The following SPAG5 variants were observed in gnomAD, a reference collection of about 807,000 sequenced individuals.
SPAG5 encodes sperm associated antigen 5, also known as sperm-associated antigen 5.
In SPAG5, 99 loss-of-function variants were observed where a neutral mutation model predicts 145.4. That is an observed-to-expected ratio of 0.68 (90% confidence interval 0.58 to 0.80). The LOEUF (loss-of-function observed/expected upper bound fraction) is 0.80, where lower values mean the gene tolerates loss of function less well. Ranked by LOEUF, SPAG5 falls within the 30% of genes least tolerant of loss-of-function variation. The pLI is 0.00. For missense variants in SPAG5, 1,192 were observed against 1,416.0 expected (o/e 0.84, Z 2.54); for synonymous variants, 477 against 525.4 (o/e 0.91, Z 1.26).
chr17:28,578,171 G>A, intron 22 of SPAG5, 47 bp downstream of exon 22: 1 of 1,608,696 alleles, frequency 6.2e-7, no homozygotes, highest in Non-Finnish European at 8.5e-7. Flanking sequence ...CGGGGCATTT[G>A]TTAACGATGG....
At chr17:28,591,291 G>C (rs1358620298) in intron 4 of SPAG5, among the ~76,000 whole-genome samples, 3 of 152,156 alleles carry the variant, frequency 2.0e-5, no homozygotes, top group African/African-American at 7.2e-5. Context: ...CAGATCCTCA[G>C]CTTTTTTGTT....
In SPAG5 at chr17:28,592,400, A is replaced by AC. The variant is rs774266401; in HGVS notation, c.843dup (p.Phe282ValfsTer6). ...TCAGACTCCTTAGGATGTGTGGGAAACCTCATTTCTCTTTCCTCCATAGCT... is the reference window on the plus strand; with the variant it reads ...TCAGACTCCTTAGGATGTGTGGGAAACCCTCATTTCTCTTTCCTCCATAGCT... On this transcript the variant is annotated frameshift_variant, in exon 3 of 24. Transcript: ENST00000321765. LOFTEE classifies it high-confidence loss of function. 2.1e-5 allele frequency: 34 copies of AC among 1,613,916 alleles called. No homozygotes were observed. The highest frequency in any genetic ancestry group is 2.8e-5 in the Non-Finnish European group (33 of 1,180,026).
chr17:28,585,739 G>C (rs1417901518), intron 7 of SPAG5, 86 bp from the exon 8 acceptor site: 8 of 1,607,352 alleles, frequency 5.0e-6, no homozygotes, highest in Non-Finnish European at 6.8e-6. Context: ...CAATAGATCA[G>C]TTCTTTACTG....
chr17:28,580,083 G>A lies in SPAG5; in HGVS notation c.2723C>T (p.Pro908Leu). 6.2e-7 allele frequency: 1 copy of A among 1,614,046 alleles called. No individual in the cohort carries two copies. Residue 908 changes from proline to leucine, a missense_variant, in exon 16 of 24, where the codon CCT (proline) becomes CTT (leucine). This residue lies in a region of SPAG5 where 709 missense variants were observed against 840.7 expected (regional missense o/e 0.84). Coordinates refer to ENST00000321765, the MANE Select transcript of SPAG5 (RefSeq NM_006461.4). ...QETLLLSTACPPTQEHPLPND... is the reference protein window; with the variant it reads ...QETLLLSTACLPTQEHPLPND... ...AGGCAGAGGGTGTTCCTGGGTGGGA[G>A]GACAGGCTGTACTCAGCAGAAGGGT... is the stretch of plus-strand genomic sequence containing the variant.
At chr17:28,579,295 G>A in intron 18 of SPAG5, 43 bp from the exon 19 acceptor site, 1 of 1,613,386 alleles carries the variant, frequency 6.2e-7, no homozygotes, top group Non-Finnish European at 8.5e-7. Flanking sequence ...TCCTCTCAGG[G>A]ATCAGTTGGA....
At chr17:28,578,917 G>A (rs565634805) in intron 19 of SPAG5, among the ~76,000 whole-genome samples, 165 bp from the exon 20 acceptor site, 26 of 152,214 alleles carry the variant, frequency 1.7e-4, no homozygotes, top group Non-Finnish European at 3.4e-4. Flanking sequence ...ACATTTCAGT[G>A]TTGGGAGAGC....
Position 28,584,359 on chromosome 17 carries a change from G to A in SPAG5, c.2283C>T (p.Thr761=). ...AMKDELLCQL[T]QSNEEQAAQW... is the part of the protein sequence containing the mutation. ...GAGCAGCCTGCTCCTCATTGCTCTGGGTAAGCTGGCAGAGTAACTCATCCT... is the reference window on the plus strand; with the variant it reads ...GAGCAGCCTGCTCCTCATTGCTCTGAGTAAGCTGGCAGAGTAACTCATCCT... The change falls in exon 12 of 24, where the codon ACC becomes ACT. Residue 761 remains threonine (T), a synonymous_variant. Coordinates refer to ENST00000321765, the MANE Select transcript of SPAG5 (RefSeq NM_006461.4). 1 of 1,614,146 alleles carries A rather than the reference G, an allele frequency of 6.2e-7. No homozygotes were observed. Among genetic ancestry groups the A allele is most frequent in the East Asian group, 2.2e-5 (1 of 44,884 alleles).
intron 7 of SPAG5, 89 bp from the exon 8 acceptor site, chr17:28,585,742 C>T: frequency 6.2e-7 from 1 of 1,606,870 alleles, no homozygotes; most frequent in Non-Finnish European, 8.5e-7. Context: ...TAGATCAGTT[C>T]TTTACTGCCC....
At chr17:28,578,638 GAAGGCA>G in intron 20 of SPAG5, 28 bp downstream of exon 20, 1 of 1,610,506 alleles carries the variant, frequency 6.2e-7, no homozygotes, top group South Asian at 1.1e-5. Flanking sequence ...CAGTAACACA[GAAGGCA>G]AAGGCCTGGG....
Position 28,592,846 on chromosome 17 carries a change from A to C in SPAG5, c.398T>G (p.Val133Gly). 4 of 1,614,226 alleles carry C rather than the reference A, an allele frequency of 2.5e-6. No individual in the cohort carries two copies. The highest frequency in any genetic ancestry group is 3.4e-6 in the Non-Finnish European group (4 of 1,180,034). The change falls in exon 3 of 24, where the codon GTA becomes GGA. Residue 133 changes from valine to glycine, a missense_variant. Coordinates refer to ENST00000321765, the MANE Select transcript of SPAG5 (RefSeq NM_006461.4). The stretch of plus-strand genomic sequence containing the variant: ...TTGTTGCTGCCCCAGTGGAGATGGT[A>C]CAAGGACGATGGTTTTAACCATATA... ...GNYMVKTIVL[V>G]PSPLGQQQDM...
At chr17:28,597,165 C>T (rs2151524312) in intron 2 of SPAG5, among the ~76,000 whole-genome samples, 1 of 152,118 alleles carries the variant, frequency 6.6e-6, no homozygotes, top group African/African-American at 2.4e-5. Flanking sequence ...ACCTGTAATC[C>T]CAGCACTTTG....
intron 4 of SPAG5, among the ~76,000 whole-genome samples, chr17:28,588,040 T>C (rs1488672724): frequency 6.6e-6 from 1 of 152,210 alleles, no homozygotes; most frequent in Non-Finnish European, 1.5e-5. Context: ...TCTTCATTAC[T>C]GAGGCAAGGC....
intron 15 of SPAG5, among the ~76,000 whole-genome samples, chr17:28,582,132 C>T (rs2151519851): frequency 6.6e-6 from 1 of 152,276 alleles, no homozygotes; most frequent in East Asian, 1.9e-4. Flanking sequence ...AAAATCTGGC[C>T]TCCTGCCTAC....
chr17:28,578,326 C>G (rs776453331), intron 21 of SPAG5, 34 bp from the exon 22 acceptor site: 18 of 1,614,008 alleles, frequency 1.1e-5, no homozygotes, highest in Non-Finnish European at 1.4e-5. Context: ...GGGGTACAGC[C>G]TGGGGTCCCC....
chr17:28,598,736 G>T (rs2070687462), intron 1 of SPAG5, 101 bp from the exon 2 acceptor site: 2 of 1,527,770 alleles, frequency 1.3e-6, no homozygotes, highest in African/African-American at 2.7e-5. Context: ...GATTAGAAGA[G>T]TACGCTCGCA....
intron 2 of SPAG5, 166 bp downstream of exon 2, chr17:28,598,344 A>T: frequency 1.3e-6 from 1 of 744,116 alleles, no homozygotes; most frequent in Non-Finnish European, 2.0e-6. Context: ...ATTTCCTTTA[A>T]CCACCCTAGG....
At chr17:28,598,677 T>C in intron 1 of SPAG5, 42 bp from the exon 2 acceptor site, 1 of 1,566,166 alleles carries the variant, frequency 6.4e-7, no homozygotes, top group Non-Finnish European at 8.7e-7. Flanking sequence ...TGAGGAAGCC[T>C]GGGTTCTGCC....
chr17:28,596,038 C>G (rs2070662326), intron 2 of SPAG5, among the ~76,000 whole-genome samples: 1 of 151,588 alleles, frequency 6.6e-6, no homozygotes, highest in African/African-American at 2.4e-5. Context: ...CAGAGCAAGA[C>G]TCCGTCTCAA....
At position 28,585,347 on chromosome 17, in the gene SPAG5, T is replaced by TG. The variant is rs776926608; in HGVS notation, c.1924dup (p.Gln642ProfsTer40). The TG allele has an allele frequency of 1.9e-6, 3 of 1,614,124 alleles. No individual in the cohort carries two copies. The African/African-American group carries it at 4.0e-5, about 22-fold the overall frequency. ...CAGTTGCATGGACCTCCAGTCTTGT[T>TG]GCAAGGTAGAAGTAAGACTCACTGT... On this transcript the variant is annotated frameshift_variant, in exon 9 of 24. Transcript: ENST00000321765. LOFTEE classifies it high-confidence loss of function.
Sources: gnomAD v4.1 joint callset for allele counts (sites outside exome capture counted in the v4.1 genomes callset) on GRCh38, gnomAD v4.1.1 for gene constraint, gnomAD v4.1.1 regional missense constraint, MANE v1.5 for transcripts, NCBI Gene and HGNC (gene_info 2026-07-23, HGNC 2026-07-21) for gene names.